The following PPARGC1A variants were observed in gnomAD, a reference collection of about 807,000 sequenced individuals.
PPARGC1A encodes PPARG coactivator 1 alpha, also known as peroxisome proliferator-activated receptor gamma coactivator 1-alpha.
In PPARGC1A, 25 loss-of-function variants were observed where a neutral mutation model predicts 88.7. The observed-to-expected ratio is 0.28, with a 90% confidence interval of 0.21 to 0.39. The LOEUF (loss-of-function observed/expected upper bound fraction) is 0.39, where lower values mean the gene tolerates loss of function less well. PPARGC1A is among the 10% of genes least tolerant of loss of function. The pLI is 1.00. For missense variants in PPARGC1A, 880 were observed against 968.7 expected (o/e 0.91, Z 1.22); for synonymous variants, 363 against 355.6 (o/e 1.02, Z -0.24).
At chr4:23,985,366 T>C in the PPARGC1A span, among the ~76,000 whole-genome samples, 4 of 152,002 alleles carry the variant, frequency 2.6e-5, no homozygotes, top group Non-Finnish European at 5.9e-5. Context: ...GGAAAGTCTG[T>C]GGAAGAGGCT....
chr4:24,019,882 T>C, the PPARGC1A span, among the ~76,000 whole-genome samples: 1 of 152,056 alleles, frequency 6.6e-6, no homozygotes, highest in African/African-American at 2.4e-5. Context: ...AATTGAAAAA[T>C]CATTCACTTG....
chr4:23,897,216 T>C (rs1718700037), intron 1 of PPARGC1A, among the ~76,000 whole-genome samples: 1 of 152,180 alleles, frequency 6.6e-6, no homozygotes, highest in African/African-American at 2.4e-5. Flanking sequence ...TTTTGACCAT[T>C]AAGAATATTT....
Position 23,813,948 on chromosome 4 carries a change from T to C in PPARGC1A, c.1535A>G (p.Asp512Gly). 1.2e-6 allele frequency: 2 copies of C among 1,614,110 alleles called. No individual in the cohort carries two copies. Among genetic ancestry groups the C allele is most frequent in the Non-Finnish European group, 8.5e-7 (1 of 1,179,988 alleles). Residue 512 changes from aspartate (D) to glycine (G), a missense_variant, in exon 8 of 13, where the codon GAT becomes GGT. Coordinates refer to ENST00000264867, the MANE Select transcript of PPARGC1A (RefSeq NM_013261.5). ...NSGLAMDGLFDDSEDESDKLS... is the reference protein window; with the variant it reads ...NSGLAMDGLFGDSEDESDKLS... ...TTTATCACTTTCATCTTCGCTGTCA[T>C]CAAACAGGCCATCCATGGCTAGTCC...
At chr4:24,354,330 G>T in the PPARGC1A span, among the ~76,000 whole-genome samples, 1 of 152,106 alleles carries the variant, frequency 6.6e-6, no homozygotes, top group African/African-American at 2.4e-5. Flanking sequence ...GCCATGTAAG[G>T]TAACATTCCC....
chr4:24,247,735 T>C, the PPARGC1A span, among the ~76,000 whole-genome samples: 2 of 152,232 alleles, frequency 1.3e-5, no homozygotes, highest in African/African-American at 4.8e-5. Context: ...ATTATTGTGC[T>C]GCAGCTGTGA....
chr4:24,126,267 C>CCCCACACACACACACA, the PPARGC1A span, among the ~76,000 whole-genome samples: 4 of 146,540 alleles, frequency 2.7e-5, no homozygotes, highest in Non-Finnish European at 4.5e-5. Context: ...TGGCTTCTCA[C>CCCCACACACACACACA]CACACACACA....
chr4:24,100,941 A>G, the PPARGC1A span, among the ~76,000 whole-genome samples: 1 of 152,244 alleles, frequency 6.6e-6, no homozygotes, highest in African/African-American at 2.4e-5. Flanking sequence ...GGTGCAGACC[A>G]TGTATTAACC....
the PPARGC1A span, among the ~76,000 whole-genome samples, chr4:23,991,351 A>G: frequency 6.6e-6 from 1 of 152,152 alleles, no homozygotes; most frequent in Non-Finnish European, 1.5e-5. Flanking sequence ...AGTAGATCAA[A>G]CAATTGATTA....
chr4:24,236,198 G>T, the PPARGC1A span, among the ~76,000 whole-genome samples: 2 of 152,138 alleles, frequency 1.3e-5, no homozygotes, highest in African/African-American at 4.8e-5. Context: ...CAGACTTTCG[G>T]GTCGTATCAT....
At chr4:23,997,258 T>C in the PPARGC1A span, among the ~76,000 whole-genome samples, 1 of 152,032 alleles carries the variant, frequency 6.6e-6, no homozygotes, top group Non-Finnish European at 1.5e-5. Context: ...GAACACATGA[T>C]TTGGAAAAAA....
the PPARGC1A span, among the ~76,000 whole-genome samples, chr4:23,936,033 T>C: frequency 6.6e-6 from 1 of 152,230 alleles, no homozygotes; most frequent in African/African-American, 2.4e-5. Context: ...ATATTAAGTA[T>C]TGATATTACT....
the PPARGC1A span, among the ~76,000 whole-genome samples, chr4:24,065,360 G>T: frequency 3.3e-5 from 5 of 151,910 alleles, no homozygotes; most frequent in East Asian, 3.9e-4. Flanking sequence ...TTTCATCAAC[G>T]GGAGCCCTGA....
intron 7 of PPARGC1A, among the ~76,000 whole-genome samples, chr4:23,819,394 A>C (rs1235084545): frequency 1.3e-5 from 2 of 152,176 alleles, no homozygotes; most frequent in East Asian, 3.9e-4. Context: ...ACTGGGTAAC[A>C]AACTGGCCTT....
At chr4:24,037,866 C>T in the PPARGC1A span, among the ~76,000 whole-genome samples, 1 of 152,198 alleles carries the variant, frequency 6.6e-6, no homozygotes, top group Admixed American at 6.5e-5. Context: ...GCAGAAACCA[C>T]AGCTTGCTCA....
the PPARGC1A span, among the ~76,000 whole-genome samples, chr4:24,284,850 A>C: frequency 6.6e-6 from 1 of 152,108 alleles, no homozygotes; most frequent in Non-Finnish European, 1.5e-5. Context: ...AGCATGGTGA[A>C]ACCCTGTCTT....
At chr4:24,147,386 T>A in the PPARGC1A span, among the ~76,000 whole-genome samples, 1 of 152,190 alleles carries the variant, frequency 6.6e-6, no homozygotes, top group East Asian at 1.9e-4. Flanking sequence ...GCATCAGCCC[T>A]CTGGTTACAG....
the PPARGC1A span, among the ~76,000 whole-genome samples, chr4:24,296,976 A>G: frequency 6.6e-6 from 1 of 152,074 alleles, no homozygotes; most frequent in Non-Finnish European, 1.5e-5. Flanking sequence ...ACTGTGTTAG[A>G]GACTGCAGCT....
the PPARGC1A span, among the ~76,000 whole-genome samples, chr4:24,462,858 C>T: frequency 6.6e-5 from 10 of 151,656 alleles, no homozygotes; most frequent in African/African-American, 2.4e-4. Flanking sequence ...CAGTAACAAA[C>T]GTCTTTCAGG....
At chr4:23,874,181 A>T (rs1003542709) in intron 2 of PPARGC1A, among the ~76,000 whole-genome samples, 3 of 152,202 alleles carry the variant, frequency 2.0e-5, no homozygotes, top group African/African-American at 7.2e-5. Flanking sequence ...TCGGTGTTAC[A>T]TATTCACTGT....
Sources: allele counts gnomAD v4.1 joint callset (sites outside exome capture counted in the v4.1 genomes callset), GRCh38; gene constraint gnomAD v4.1.1; transcripts MANE v1.5; gene names NCBI Gene and HGNC (gene_info 2026-07-23, HGNC 2026-07-21).